RANBP9: variants seen among roughly 807,000 people sequenced by gnomAD.
The protein encoded by RANBP9 is ran-binding protein 9.
In RANBP9, 15 loss-of-function variants were observed where a neutral mutation model predicts 84.3. The ratio of observed to expected loss-of-function variants is 0.18; its 90% CI spans 0.12 to 0.27. The LOEUF (loss-of-function observed/expected upper bound fraction) is 0.27, where lower values mean the gene tolerates loss of function less well. Among genes scored for constraint, RANBP9 ranks in the 10% least tolerant of loss-of-function variants. The probability of loss-of-function intolerance (pLI) is 1.00; values close to 1 mark genes in which losing one functional copy is unlikely to be tolerated. For synonymous variants in RANBP9, 392 were observed against 349.6 expected, an observed-to-expected ratio of 1.12 and a Z score of -1.35; for missense variants, 809 against 912.8, an observed-to-expected ratio of 0.89 and a Z score of 1.46.
rs771989710 is a variant in RANBP9 at position 13,639,777 on chromosome 6, C to T, written c.1335-24G>A. ...CTCTAAAGGAGAAAAGAAAAATTTACTTAGACACAATCTTCAAATGGCCTT... is the reference window on the plus strand; with the variant it reads ...CTCTAAAGGAGAAAAGAAAAATTTATTTAGACACAATCTTCAAATGGCCTT... On this transcript the variant is annotated intron_variant, in intron 8 of 13. Coordinates refer to ENST00000011619, the MANE Select transcript of RANBP9 (RefSeq NM_005493.3). 38 of 1,565,380 alleles carry T rather than the reference C, an allele frequency of 2.4e-5. No homozygotes were observed. In the African/African-American group the frequency reaches 4.8e-4, roughly 20 times the overall value.
At chr6:13,658,385 G>GTC (rs1161116938) in intron 3 of RANBP9, among the ~76,000 whole-genome samples, 1 of 152,176 alleles carries the variant, frequency 6.6e-6, no homozygotes, top group Non-Finnish European at 1.5e-5. Flanking sequence ...GAGGCAGGTG[G>GTC]ATCACCTGAG....
chr6:13,691,408 C>T (rs778671733), intron 2 of RANBP9, among the ~76,000 whole-genome samples: 3 of 152,034 alleles, frequency 2.0e-5, no homozygotes, highest in Non-Finnish European at 4.4e-5. Flanking sequence ...TAAAGAAATA[C>T]AAGTAACAAT....
intron 2 of RANBP9, among the ~76,000 whole-genome samples, chr6:13,691,181 A>C (rs915205956): frequency 6.6e-6 from 1 of 151,790 alleles, no homozygotes; most frequent in Admixed American, 6.6e-5. Context: ...AAAAAAAAAA[A>C]AGTCATGTAG....
At chr6:13,701,761 G>T (rs2113365341) in intron 1 of RANBP9, among the ~76,000 whole-genome samples, 1 of 149,850 alleles carries the variant, frequency 6.7e-6, no homozygotes, top group Middle Eastern at 3.5e-3. Flanking sequence ...CAAGAGCAAG[G>T]CTCCATCTCA....
intron 5 of RANBP9, among the ~76,000 whole-genome samples, chr6:13,648,560 T>C (rs887116936): frequency 2.0e-5 from 3 of 152,204 alleles, no homozygotes; most frequent in South Asian, 2.1e-4. Flanking sequence ...GAATAGTATA[T>C]AGACAGAATA....
intron 4 of RANBP9, among the ~76,000 whole-genome samples, chr6:13,655,692 TTA>T (rs1412290931): frequency 6.6e-6 from 1 of 152,166 alleles, no homozygotes; most frequent in Non-Finnish European, 1.5e-5. Flanking sequence ...TTTAAAAAGT[TTA>T]TGTTAAAGAG....
At position 13,630,759 on chromosome 6, in the gene RANBP9, A is replaced by G. The variant is rs570071814; in HGVS notation, c.1947+1611T>C. 3.9e-5 allele frequency among the ~76,000 whole-genome samples: 6 copies of G among 152,306 alleles called. No individual in the cohort carries two copies. The South Asian group carries it at 1.2e-3, about 32-fold the overall frequency. On this transcript the variant is annotated intron_variant, in intron 12 of 13. Transcript: ENST00000011619. ...ACAGACTAAAGGCAGTCTGGTCTGT[A>G]TGCGAATACAGCTCACCTATTAAAC...
At position 13,678,180 on chromosome 6, in the gene RANBP9, T is replaced by C. The variant is rs1425245919; in HGVS notation, c.683+18605A>G. 2.6e-5 allele frequency among the ~76,000 whole-genome samples: 4 copies of C among 152,236 alleles called. No homozygotes were observed. The South Asian group carries it at 8.3e-4, about 32-fold the overall frequency. ...AAAATATTTCAATCAGGTTACATACTTGAGACGTATTTCAGTGTTTAGAAA... is the reference window on the plus strand; with the variant it reads ...AAAATATTTCAATCAGGTTACATACCTGAGACGTATTTCAGTGTTTAGAAA... On this transcript the variant is annotated intron_variant, in intron 2 of 13. Transcript: ENST00000011619.
intron 2 of RANBP9, among the ~76,000 whole-genome samples, chr6:13,664,210 G>A (rs145045005): frequency 4.5e-4 from 69 of 152,158 alleles, no homozygotes; most frequent in African/African-American, 1.6e-3. Context: ...ACTGTATTTG[G>A]CAGCAAATAC....
intron 6 of RANBP9, among the ~76,000 whole-genome samples, chr6:13,643,464 A>C (rs900264911): frequency 4.6e-5 from 7 of 152,198 alleles, no homozygotes; most frequent in Non-Finnish European, 8.8e-5. Flanking sequence ...AGACTGAGGC[A>C]AAGAGCGGAG....
chr6:13,637,663 C>A, intron 10 of RANBP9, 145 bp downstream of exon 10: 2 of 734,252 alleles, frequency 2.7e-6, no homozygotes, highest in South Asian at 5.6e-5. Context: ...GGAACTGACT[C>A]CCTACGCTTT....
chr6:13,634,619 C>G, intron 10 of RANBP9, 67 bp from the exon 11 acceptor site: 1 of 1,400,452 alleles, frequency 7.1e-7, no homozygotes, highest in Admixed American at 2.1e-5. Flanking sequence ...AAATAAATCA[C>G]TACTGAACTA....
intron 2 of RANBP9, among the ~76,000 whole-genome samples, chr6:13,667,996 A>G (rs1239333834): frequency 6.6e-6 from 1 of 152,108 alleles, no homozygotes; most frequent in African/African-American, 2.4e-5. Flanking sequence ...AATTATAAAG[A>G]TTAGGGGAGA....
intron 2 of RANBP9, among the ~76,000 whole-genome samples, chr6:13,664,088 C>T (rs1389768229): frequency 6.6e-6 from 1 of 152,042 alleles, no homozygotes; most frequent in Admixed American, 6.6e-5. Context: ...AAAGCTGGCT[C>T]TATGTACAGA....
At chr6:13,647,040 A>G (rs139702945) in intron 5 of RANBP9, among the ~76,000 whole-genome samples, 2 of 152,354 alleles carry the variant, frequency 1.3e-5, no homozygotes, top group African/African-American at 4.8e-5. Flanking sequence ...AATGCTGATA[A>G]GGGTTGGGGA....
intron 12 of RANBP9, among the ~76,000 whole-genome samples, chr6:13,625,966 C>T (rs1237277330): frequency 6.6e-6 from 1 of 152,110 alleles, no homozygotes. Context: ...TTTCATTTTT[C>T]CTGTGGACAG....
intron 5 of RANBP9, among the ~76,000 whole-genome samples, chr6:13,649,553 C>G (rs1031085307): frequency 6.6e-6 from 1 of 151,704 alleles, no homozygotes; most frequent in Non-Finnish European, 1.5e-5. Context: ...TGTTAAAGAC[C>G]AAATCAACCC....
intron 1 of RANBP9, among the ~76,000 whole-genome samples, chr6:13,709,032 A>G (rs1299589086): frequency 1.3e-5 from 2 of 152,254 alleles, no homozygotes; most frequent in African/African-American, 2.4e-5. Flanking sequence ...AGTGAACCTT[A>G]GTATTACACA....
chr6:13,651,374 T>TTTG (rs777774472), intron 5 of RANBP9, among the ~76,000 whole-genome samples: 8 of 145,386 alleles, frequency 5.5e-5, no homozygotes, highest in East Asian at 2.0e-4. Context: ...CATATAGTTT[T>TTTG]TTGTTGTTGT....
Sources: gnomAD v4.1 joint callset for allele counts (sites outside exome capture counted in the v4.1 genomes callset) on GRCh38, gnomAD v4.1.1 for gene constraint, MANE v1.5 for transcripts, NCBI Gene and HGNC (gene_info 2026-07-23, HGNC 2026-07-21) for gene names.